ANXA6: variants seen among roughly 807,000 people sequenced by gnomAD.
ANXA6 encodes the protein 67 kDa calelectrin.
Under a neutral mutation model 95.4 loss-of-function variants are expected in ANXA6, and 71 were observed. The observed-to-expected ratio is 0.74, with a 90% CI of 0.61 to 0.91. The LOEUF (loss-of-function observed/expected upper bound fraction) is 0.91. Ranked by LOEUF, ANXA6 falls within the 40% of genes least tolerant of loss-of-function variation. The probability of loss-of-function intolerance (pLI) is 0.00; values close to 1 mark genes in which losing one functional copy is unlikely to be tolerated. For missense variants in ANXA6, 830 were observed against 876.4 expected, an observed-to-expected ratio of 0.95 and a Z score of 0.67; for synonymous variants, 289 against 315.9, an observed-to-expected ratio of 0.91 and a Z score of 0.90.
intron 20 of ANXA6, among the ~76,000 whole-genome samples, chr5:151,112,366 C>A (rs942858440): frequency 1.3e-5 from 2 of 151,974 alleles, no homozygotes; most frequent in African/African-American, 4.8e-5. Flanking sequence ...TGTCGAGACA[C>A]CTTTGAGGAG....
At chr5:151,131,079 T>C (rs1765497458) in intron 11 of ANXA6, among the ~76,000 whole-genome samples, 152 bp downstream of exon 11, 2 of 152,214 alleles carry the variant, frequency 1.3e-5, no homozygotes, top group African/African-American at 4.8e-5. Context: ...CATTCCTGGC[T>C]CTACAGCTCA....
At chr5:151,133,950 A>G (rs555478287) in intron 8 of ANXA6, among the ~76,000 whole-genome samples, 46 of 152,334 alleles carry the variant, frequency 3.0e-4, no homozygotes, top group African/African-American at 1.1e-3. Flanking sequence ...GCTCCTCAAC[A>G]ACAGGGACTA....
intron 20 of ANXA6, 35 bp downstream of exon 20, chr5:151,117,092 C>T (rs201381416): frequency 1.0e-5 from 16 of 1,550,784 alleles, no homozygotes; most frequent in Admixed American, 7.4e-5. Context: ...CAGGGACACC[C>T]GGCAGAGGTG....
chr5:151,141,473 C>T (rs903824050), intron 2 of ANXA6: 25 of 975,024 alleles, frequency 2.6e-5, no homozygotes, highest in East Asian at 1.1e-4. Flanking sequence ...GATCCAGCTG[C>T]GGGAAATCAG....
chr5:151,123,083 A>G, intron 15 of ANXA6, 72 bp from the exon 16 acceptor site: 1 of 1,267,938 alleles, frequency 7.9e-7, no homozygotes, highest in East Asian at 2.3e-5. Context: ...CCGCCCACTG[A>G]TGGCCCCTCA....
At position 151,138,687 on chromosome 5, in the gene ANXA6, A is replaced by T; in HGVS notation, c.309T>A (p.Asp103Glu). 1 of 1,612,616 alleles carries T rather than the reference A, an allele frequency of 6.2e-7. No individual in the cohort carries two copies. Among genetic ancestry groups the T allele is most frequent in the Non-Finnish European group, 8.5e-7 (1 of 1,178,670 alleles). ...CACCCCCACTTCTTACCGAGATGGCATCTTTAATTTCTTTGGCATCACAAT... is the reference window on the plus strand; with the variant it reads ...CACCCCCACTTCTTACCGAGATGGCTTCTTTAATTTCTTTGGCATCACAAT... Reference protein sequence around the residue: ...PAYCDAKEIKDAISGIGTDEK... With the variant: ...PAYCDAKEIKEAISGIGTDEK... The change falls in exon 5 of 26, where the codon GAT becomes GAA. Residue 103 changes from aspartate to glutamate, a missense_variant. By Grantham distance (45) the Asp-to-Glu change is conservative. Coordinates refer to ENST00000354546, the MANE Select transcript of ANXA6 (RefSeq NM_001155.5).
chr5:151,125,579 C>G (rs1479278096), intron 14 of ANXA6, among the ~76,000 whole-genome samples: 1 of 152,172 alleles, frequency 6.6e-6, no homozygotes, highest in Non-Finnish European at 1.5e-5. Context: ...GCAAGTGTTG[C>G]AGAGACGGCG....
chr5:151,151,933 C>A (rs1350967216), intron 1 of ANXA6, among the ~76,000 whole-genome samples: 1 of 152,214 alleles, frequency 6.6e-6, no homozygotes, highest in African/African-American at 2.4e-5. Context: ...CACACAGGAG[C>A]AGAATGAATG....
At chr5:151,112,302 C>CA (rs201212823) in intron 20 of ANXA6, among the ~76,000 whole-genome samples, 41 of 149,732 alleles carry the variant, frequency 2.7e-4, no homozygotes, top group African/African-American at 5.4e-4. Flanking sequence ...TATCTAGATT[C>CA]AAAAAAAAAT....
intron 18 of ANXA6, 82 bp downstream of exon 18, chr5:151,119,218 T>C (rs1765090849): frequency 1.7e-6 from 2 of 1,179,618 alleles, no homozygotes; most frequent in Non-Finnish European, 2.5e-6. Context: ...GCCAGAGTCC[T>C]GGGCAGAGCT....
chr5:151,103,692 C>A lies in ANXA6; in HGVS notation c.1840G>T (p.Gly614Cys). 1 of 1,607,054 alleles carries A rather than the reference C, an allele frequency of 6.2e-7. No homozygotes were observed. Among genetic ancestry groups the A allele is most frequent in the Non-Finnish European group, 8.5e-7 (1 of 1,176,876 alleles). The stretch of plus-strand genomic sequence containing the variant: ...AGAGTCTTCTCATCTGTGCCAGCAC[C>A]CTGGTGGAGCCAGGCAGGAGGGAGA... Reference protein sequence around the residue: ...FADKLYKSMKGAGTDEKTLTR... With the variant: ...FADKLYKSMKCAGTDEKTLTR... Residue 614 changes from glycine to cysteine, a missense_variant and splice_region_variant, in exon 25 of 26, where the codon GGT becomes TGT. By Grantham distance (159) the Gly-to-Cys change is radical. Transcript: ENST00000354546.
chr5:151,106,366 G>A (rs1365665711), intron 23 of ANXA6, among the ~76,000 whole-genome samples: 1 of 152,160 alleles, frequency 6.6e-6, no homozygotes, highest in Admixed American at 6.5e-5. Context: ...AGAGGCTGGA[G>A]TTGCGTACCC....
At chr5:151,122,893 G>T in intron 16 of ANXA6, 24 bp downstream of exon 16, 1 of 1,606,664 alleles carries the variant, frequency 6.2e-7, no homozygotes. Flanking sequence ...ATGTTGCACA[G>T]AGAGCCCAGG....
At chr5:151,133,999 T>C (rs1297079735) in intron 8 of ANXA6, among the ~76,000 whole-genome samples, 1 of 152,254 alleles carries the variant, frequency 6.6e-6, no homozygotes, top group East Asian at 1.9e-4. Flanking sequence ...GTAGTGCTGC[T>C]GGCATGTACT....
Position 151,103,564 on chromosome 5 carries a change from C to G in ANXA6, c.1962+6G>C. 1 of 1,612,248 alleles carries G rather than the reference C, an allele frequency of 6.2e-7. No individual in the cohort carries two copies. Among genetic ancestry groups the G allele is most frequent in the Non-Finnish European group, 8.5e-7 (1 of 1,179,036 alleles). On this transcript the variant is annotated splice_donor_region_variant and intron_variant, in intron 25 of 25. Coordinates refer to ENST00000354546, the MANE Select transcript of ANXA6 (RefSeq NM_001155.5). ...CTTCCTGCTAACCTCTAGCCCCTCC[C>G]CTTACCTCAATGGCTTGGTGGAGAG...
In ANXA6 at chr5:151,136,456, G is replaced by A. The variant is rs965492251; in HGVS notation, c.410-121C>T. 9.6e-5 allele frequency: 80 copies of A among 830,508 alleles called. 1 individual carries two copies. Among genetic ancestry groups the A allele is most frequent in the East Asian group, 7.2e-4 (27 of 37,534 alleles). 51.4% of individuals were successfully genotyped at this position (830,508 alleles called of 1,614,324 possible). On this transcript the variant is annotated intron_variant, in intron 6 of 25. Coordinates refer to ENST00000354546, the MANE Select transcript of ANXA6 (RefSeq NM_001155.5). The stretch of plus-strand genomic sequence containing the variant: ...AAGAATTCCAAAACCCAGTCTACAC[G>A]TCCATCATGGCAAGACCCAGGGTAT...
At position 151,109,121 on chromosome 5, in the gene ANXA6, T is replaced by C. The variant is rs78949002; in HGVS notation, c.1685-571A>G. On this transcript the variant is annotated intron_variant, in intron 22 of 25. Transcript: ENST00000354546. ...ATTCGGTGACTTGCCTGAGGTCACA[T>C]GGCTGTTAAGTGGGGGATTCAAATC... 8.7e-4 allele frequency among the ~76,000 whole-genome samples: 128 copies of C among 147,408 alleles called. No individual in the cohort carries two copies. The East Asian group carries it at 0.022, about 26-fold the overall frequency.
chr5:151,125,520 A>AAGGG (rs1263887889), intron 14 of ANXA6, among the ~76,000 whole-genome samples: 1 of 152,168 alleles, frequency 6.6e-6, no homozygotes, highest in Non-Finnish European at 1.5e-5. Context: ...GAAGCTCTGA[A>AAGGG]ACTTAAAGCG....
chr5:151,137,188 T>C, intron 6 of ANXA6, 43 bp downstream of exon 6: 1 of 1,534,312 alleles, frequency 6.5e-7, no homozygotes, highest in Non-Finnish European at 9.0e-7. Context: ...TCATCCTCAT[T>C]TTGTATCTGA....
Sources: allele counts gnomAD v4.1 joint callset (sites outside exome capture counted in the v4.1 genomes callset), GRCh38; gene constraint gnomAD v4.1.1; transcripts MANE v1.5; gene names NCBI Gene and HGNC (gene_info 2026-07-23, HGNC 2026-07-21).